The following DLG2 variants were observed in gnomAD, a reference collection of about 807,000 sequenced individuals.
DLG2 encodes disks large homolog 2.
DLG2 carries 45 observed loss-of-function variants against 132.5 expected under a neutral mutation model. The ratio of observed to expected loss-of-function variants is 0.34; its 90% CI spans 0.27 to 0.44. The LOEUF (loss-of-function observed/expected upper bound fraction) is 0.44. Ranked by LOEUF, DLG2 falls within the 20% of genes least tolerant of loss-of-function variation. The pLI, the probability that DLG2 is intolerant of heterozygous loss-of-function variation, is 1.00. For missense variants in DLG2, 1,045 were observed against 1,196.9 expected (o/e 0.87, Z 1.87); for synonymous variants, 424 against 419.6 (o/e 1.01, Z -0.13).
At chr11:83,517,951 T>A (rs1050572286) in intron 21 of DLG2, among the ~76,000 whole-genome samples, 2 of 152,204 alleles carry the variant, frequency 1.3e-5, no homozygotes, top group African/African-American at 4.8e-5. Context: ...GACTCCCAGT[T>A]AGGCTACTCG....
intron 3 of DLG2, among the ~76,000 whole-genome samples, chr11:85,464,747 G>A (rs1241914194): frequency 6.6e-6 from 1 of 151,638 alleles, no homozygotes; most frequent in Non-Finnish European, 1.5e-5. Flanking sequence ...TTTTACAAAG[G>A]CAGTTTAGTT....
chr11:85,217,132 G>A (rs957678951), intron 4 of DLG2, among the ~76,000 whole-genome samples: 2 of 151,962 alleles, frequency 1.3e-5, no homozygotes, highest in African/African-American at 4.8e-5. Context: ...AACTCACAAA[G>A]AGGGAGAGTA....
At chr11:83,605,693 G>T (rs2059236817) in intron 19 of DLG2, among the ~76,000 whole-genome samples, 1 of 152,190 alleles carries the variant, frequency 6.6e-6, no homozygotes, top group South Asian at 2.1e-4. Context: ...GCTTCCTGCA[G>T]TTCTTACTTT....
intron 18 of DLG2, among the ~76,000 whole-genome samples, chr11:83,676,141 T>C (rs975243277): frequency 6.6e-6 from 1 of 152,170 alleles, no homozygotes; most frequent in East Asian, 1.9e-4. Context: ...TTTGGTCTCA[T>C]GTTCAGGGGT....
intron 3 of DLG2, among the ~76,000 whole-genome samples, chr11:85,364,771 C>T (rs932284841): frequency 2.0e-5 from 3 of 152,100 alleles, no homozygotes; most frequent in African/African-American, 7.2e-5. Context: ...TGAAGCATGA[C>T]ATAGAATGTG....
At chr11:84,104,501 T>C (rs1023728677) in intron 9 of DLG2, among the ~76,000 whole-genome samples, 1 of 152,096 alleles carries the variant, frequency 6.6e-6, no homozygotes, top group South Asian at 2.1e-4. Context: ...ATAGGTTCAA[T>C]TGTATTCCAA....
chr11:85,466,163 T>G (rs1449002187), intron 3 of DLG2, among the ~76,000 whole-genome samples: 1 of 152,034 alleles, frequency 6.6e-6, no homozygotes, highest in Non-Finnish European at 1.5e-5. Flanking sequence ...GCTTGTTTTT[T>G]TCTTGTAAAT....
intron 9 of DLG2, among the ~76,000 whole-genome samples, chr11:84,121,850 C>A (rs1038544319): frequency 6.6e-6 from 1 of 151,350 alleles, no homozygotes; most frequent in Non-Finnish European, 1.5e-5. Flanking sequence ...CTTGAGCCAC[C>A]GCGCCCAGCC....
chr11:84,566,450 GC>G (rs1565319798), intron 6 of DLG2, among the ~76,000 whole-genome samples: 3 of 152,144 alleles, frequency 2.0e-5, no homozygotes, highest in African/African-American at 7.2e-5. Flanking sequence ...AGTGGATAAT[GC>G]CCAGTGAATA....
At chr11:83,845,909 C>T (rs2058526770) in intron 16 of DLG2, among the ~76,000 whole-genome samples, 1 of 152,150 alleles carries the variant, frequency 6.6e-6, no homozygotes, top group Non-Finnish European at 1.5e-5. Context: ...ATTGAAATAA[C>T]ATAAAAATAC....
chr11:83,547,488 A>G (rs773793439), intron 19 of DLG2, among the ~76,000 whole-genome samples: 1 of 152,076 alleles, frequency 6.6e-6, no homozygotes, highest in African/African-American at 2.4e-5. Flanking sequence ...ATGACTTGGG[A>G]AGGACTTGAC....
chr11:84,170,525 G>A (rs66685745), intron 8 of DLG2, among the ~76,000 whole-genome samples: 8,685 of 152,180 alleles, frequency 0.057, 312 homozygotes, highest in African/African-American at 0.089. Flanking sequence ...GTGACATAAA[G>A]GAGGCAATAG....
At chr11:83,953,262 C>A (rs1263805732) in intron 14 of DLG2, among the ~76,000 whole-genome samples, 1 of 152,172 alleles carries the variant, frequency 6.6e-6, no homozygotes, top group African/African-American at 2.4e-5. Flanking sequence ...GACAGGAGTC[C>A]TCAACTGGTC....
chr11:84,494,262 T>C (rs2099173995), intron 7 of DLG2, among the ~76,000 whole-genome samples: 1 of 152,186 alleles, frequency 6.6e-6, no homozygotes, highest in Non-Finnish European at 1.5e-5. Flanking sequence ...AAGAATATGC[T>C]GCCCATGCCT....
At chr11:83,832,321 A>G (rs1565253740) in intron 17 of DLG2, among the ~76,000 whole-genome samples, 1 of 152,198 alleles carries the variant, frequency 6.6e-6, no homozygotes, top group Non-Finnish European at 1.5e-5. Flanking sequence ...GTGTTATGGC[A>G]TAGATTGTGG....
At chr11:84,714,163 CAT>C (rs1381284146) in intron 6 of DLG2, among the ~76,000 whole-genome samples, 5 of 142,982 alleles carry the variant, frequency 3.5e-5, no homozygotes, top group African/African-American at 8.5e-5. Flanking sequence ...TCAATGAACA[CAT>C]GTTACTATAA....
At chr11:85,351,331 A>T (rs1348941762) in intron 3 of DLG2, among the ~76,000 whole-genome samples, 2 of 152,320 alleles carry the variant, frequency 1.3e-5, no homozygotes, top group Middle Eastern at 3.4e-3. Context: ...GGGGTTTTCT[A>T]AATATACAAT....
chr11:85,143,684 C>T (rs2076646047), intron 5 of DLG2, among the ~76,000 whole-genome samples: 1 of 151,594 alleles, frequency 6.6e-6, no homozygotes, highest in Non-Finnish European at 1.5e-5. Context: ...CTTCATTGAC[C>T]TGCTTGTCAC....
At chr11:83,510,746 TATGACAAGCAGGG>T (rs1458192904) in intron 21 of DLG2, among the ~76,000 whole-genome samples, 3 of 151,474 alleles carry the variant, frequency 2.0e-5, no homozygotes, top group Admixed American at 2.0e-4. Flanking sequence ...CTGTGTTTTC[TATGACAAGCAGGG>T]CCAGTCAGAG....
Sources: gnomAD v4.1 joint callset for allele counts (sites outside exome capture counted in the v4.1 genomes callset) on GRCh38, gnomAD v4.1.1 for gene constraint, MANE v1.5 for transcripts, NCBI Gene and HGNC (gene_info 2026-07-23, HGNC 2026-07-21) for gene names.